Variants in BCAS3 observed in about 807,000 individuals in gnomAD.
The protein encoded by BCAS3 is BCAS4/BCAS3 fusion.
BCAS3 carries 53 observed loss-of-function variants against 116.1 expected under a neutral mutation model. That is an observed-to-expected ratio of 0.46 (90% CI 0.37 to 0.57). The LOEUF (loss-of-function observed/expected upper bound fraction) is 0.57, where lower values mean the gene tolerates loss of function less well. Among genes scored for constraint, BCAS3 ranks in the 20% least tolerant of loss-of-function variants. The pLI is 0.00. For synonymous variants in BCAS3, 391 were observed against 408.2 expected (o/e 0.96, Z 0.51); for missense variants, 917 against 1,165.4 (o/e 0.79, Z 3.10).
At chr17:60,783,856 T>G (rs1397110166) in intron 6 of BCAS3, among the ~76,000 whole-genome samples, 2 of 152,202 alleles carry the variant, frequency 1.3e-5, no homozygotes, top group Non-Finnish European at 1.5e-5. Flanking sequence ...TTTGAGACTC[T>G]TTTTGTTTGT....
At chr17:60,770,834 G>GTTTTTTTTTTTTTTTTTTTTTTTT (rs60854011) in intron 6 of BCAS3, among the ~76,000 whole-genome samples, 1 of 76,728 alleles carries the variant, frequency 1.3e-5, no homozygotes, top group Non-Finnish European at 3.3e-5. Flanking sequence ...ACTGAAATTT[G>GTTTTTTTTTTTTTTTTTTTTTTTT]TTTTTTTTTT....
chr17:60,859,465 A>G (rs1262375735), intron 7 of BCAS3, among the ~76,000 whole-genome samples: 1 of 152,088 alleles, frequency 6.6e-6, no homozygotes. Context: ...CTGTTCTTGC[A>G]TTAATTCGCT....
At position 60,995,368 on chromosome 17, in the gene BCAS3, G is replaced by C. The variant is rs1036399881; in HGVS notation, c.1486+5133G>C. 1.3e-5 allele frequency among the ~76,000 whole-genome samples: 2 copies of C among 152,128 alleles called. No individual in the cohort carries two copies. The highest frequency in any genetic ancestry group is 3.9e-4 in the East Asian group (2 of 5,172). ...AGGTTTCACTCTGTTGGCCAGGCTG[G>C]TCTTGAACTCCTGACCTCACCGTGA... On this transcript the variant is annotated intron_variant, in intron 15 of 23. Transcript: ENST00000407086. The surrounding 1 kb of genome is among the most constrained non-coding windows in gnomAD (Gnocchi z 4.7).
At chr17:61,108,604 GT>G (rs56299790) in intron 22 of BCAS3, among the ~76,000 whole-genome samples, 14 of 140,134 alleles carry the variant, frequency 1.0e-4, no homozygotes, top group Admixed American at 2.8e-4. Context: ...GTCTATAGTG[GT>G]TTTTTTTTTT....
rs770027559 is a variant in BCAS3, at chr17:61,074,982, G to C, written c.2092G>C (p.Asp698His). ...TGGGTCTTACGACAGTTTAGCTTCT[G>C]ACCATAGTGGACAGGAAGATGAAGA... is the stretch of plus-strand genomic sequence containing the variant. ...RHGSYDSLAS[D>H]HSGQEDEEWL... The change falls in exon 20 of 24, where the codon GAC becomes CAC. Residue 698 changes from aspartate to histidine, a missense_variant. Asp to His is a moderately conservative substitution (Grantham distance 81, BLOSUM62 -1). This residue lies in a region of BCAS3 where 807 missense variants were observed against 1,026.0 expected (regional missense o/e 0.79). Coordinates refer to ENST00000407086, the MANE Select transcript of BCAS3 (RefSeq NM_017679.5). 1 of 1,613,376 alleles carries C rather than the reference G, an allele frequency of 6.2e-7. No homozygotes were observed.
chr17:61,199,288 A>T lies in BCAS3; in HGVS notation c.2425+114724A>T, dbSNP rs2144271048. 6.6e-6 allele frequency among the ~76,000 whole-genome samples: 1 copy of T among 152,318 alleles called. No individual in the cohort carries two copies. Among genetic ancestry groups the T allele is most frequent in the East Asian group, 1.9e-4 (1 of 5,178 alleles). ...TGTTGTGTAGAATGTATATGCTGCC[A>T]GCCAGCCTTACTCTTTCCTCTCTAC... On this transcript the variant is annotated intron_variant, in intron 22 of 23. Transcript: ENST00000407086. The surrounding 1 kb of genome is among the most constrained non-coding windows in gnomAD (Gnocchi z 4.6).
In BCAS3 at chr17:61,041,425, T is replaced by C. The variant is rs1295960965; in HGVS notation, c.2029+533T>C. On this transcript the variant is annotated intron_variant, in intron 19 of 23. Transcript: ENST00000407086. The surrounding 1 kb of genome is among the most constrained non-coding windows in gnomAD (Gnocchi z 4.7). The stretch of plus-strand genomic sequence containing the variant: ...ATTTGTAGAGACTGAACCAAGTTCA[T>C]TGACCTAGATAACAGCTTTTTATAT... Among the ~76,000 whole-genome samples the C allele has an allele frequency of 2.0e-5, 3 of 152,154 alleles. No homozygotes were observed. Among genetic ancestry groups the C allele is most frequent in the Admixed American group, 1.3e-4 (2 of 15,276 alleles).
At chr17:60,806,987 T>C (rs1050566039) in intron 6 of BCAS3, among the ~76,000 whole-genome samples, 2 of 152,172 alleles carry the variant, frequency 1.3e-5, no homozygotes, top group Non-Finnish European at 2.9e-5. Context: ...TGGATATTCT[T>C]GTATTATTAT....
intron 20 of BCAS3, among the ~76,000 whole-genome samples, chr17:61,076,441 G>A (rs2071996929): frequency 6.6e-6 from 1 of 152,186 alleles, no homozygotes; most frequent in Admixed American, 6.5e-5. Flanking sequence ...GAAGTTCCTT[G>A]AAGGAAGTTG....
At chr17:60,822,526 C>T (rs1232751834) in intron 7 of BCAS3, among the ~76,000 whole-genome samples, 2 of 152,124 alleles carry the variant, frequency 1.3e-5, no homozygotes, top group Non-Finnish European at 2.9e-5. Flanking sequence ...TTTTTTCTGG[C>T]ATAACAGTTT....
chr17:61,189,651 G>A lies in BCAS3; in HGVS notation c.2425+105087G>A, dbSNP rs1374764096. Among the ~76,000 whole-genome samples the A allele has an allele frequency of 5.3e-5, 8 of 152,196 alleles. No homozygotes were observed. Among genetic ancestry groups the A allele is most frequent in the Non-Finnish European group, 1.5e-5 (1 of 68,024 alleles). ...GAGAGGAATAGAAAGTTGAAAAATAGCTACAAGTAAAAATTGTCAGGCATG... is the reference window on the plus strand; with the variant it reads ...GAGAGGAATAGAAAGTTGAAAAATAACTACAAGTAAAAATTGTCAGGCATG... On this transcript the variant is annotated intron_variant, in intron 22 of 23. Transcript: ENST00000407086. The surrounding 1 kb of genome is among the most constrained non-coding windows in gnomAD (Gnocchi z 4.5).
chr17:60,682,962 AGATGGGGTC>A (rs2033410557), intron 2 of BCAS3, among the ~76,000 whole-genome samples: 1 of 151,754 alleles, frequency 6.6e-6, no homozygotes, highest in South Asian at 2.1e-4. Context: ...TGTTTTTTAG[AGATGGGGTC>A]TTGCTATGTT....
chr17:61,269,251 A>T (rs2050027849), intron 22 of BCAS3, among the ~76,000 whole-genome samples: 1 of 151,508 alleles, frequency 6.6e-6, no homozygotes, highest in South Asian at 2.1e-4. Flanking sequence ...AGTAGCTGGG[A>T]TTACAGGCAT....
chr17:60,994,329 C>T lies in BCAS3; in HGVS notation c.1486+4094C>T, dbSNP rs1425372785. Among the ~76,000 whole-genome samples, 9 of 151,690 alleles carry T rather than the reference C, an allele frequency of 5.9e-5. No individual in the cohort carries two copies. ...TATTTTTAATATATTGATAACTGTACTTCAGTATAGTTCATTTTCTTTGTA... is the reference window on the plus strand; with the variant it reads ...TATTTTTAATATATTGATAACTGTATTTCAGTATAGTTCATTTTCTTTGTA... On this transcript the variant is annotated intron_variant, in intron 15 of 23. Transcript: ENST00000407086. This position sits in a 1 kb window ranked among gnomAD's most constrained non-coding sequence, Gnocchi z 4.4.
intron 6 of BCAS3, among the ~76,000 whole-genome samples, chr17:60,791,502 G>A (rs1323697304): frequency 6.6e-6 from 1 of 152,022 alleles, no homozygotes; most frequent in Non-Finnish European, 1.5e-5. Flanking sequence ...AAATATTAAA[G>A]AATTAGCTGG....
In BCAS3 at chr17:61,346,055, T is replaced by C. The variant is rs141481088; in HGVS notation, c.2426-22272T>C. Among the ~76,000 whole-genome samples, 302 of 152,280 alleles carry C rather than the reference T, an allele frequency of 2.0e-3. No homozygotes were observed. The highest frequency in any genetic ancestry group is 3.6e-3 in the Non-Finnish European group (242 of 68,018). ...AAAGGTGTTGGCTTGGTCATGCACC[T>C]GACATCATACTTTTAGTGCTTGGCA... On this transcript the variant is annotated intron_variant, in intron 22 of 23. Transcript: ENST00000407086. The surrounding 1 kb of genome is among the most constrained non-coding windows in gnomAD (Gnocchi z 5.4).
At chr17:61,005,130 C>G (rs1440170171) in intron 15 of BCAS3, among the ~76,000 whole-genome samples, 1 of 152,080 alleles carries the variant, frequency 6.6e-6, no homozygotes, top group Non-Finnish European at 1.5e-5. Context: ...GTCGTGGTAT[C>G]ACTCCTCTTT....
rs1347255450 is a variant in BCAS3 at position 61,390,019 on chromosome 17, G to A, written c.2594-1958G>A. On this transcript the variant is annotated intron_variant, in intron 23 of 23. Transcript: ENST00000407086. The surrounding 1 kb of genome is among the most constrained non-coding windows in gnomAD (Gnocchi z 6.8). ...TGGCCCTGCCTGCTCCTTCCTCGGGGGCTTTCTTCCTTAGGCCTGGCGGCC... is the reference window on the plus strand; with the variant it reads ...TGGCCCTGCCTGCTCCTTCCTCGGGAGCTTTCTTCCTTAGGCCTGGCGGCC... 1 of 152,336 alleles carries A rather than the reference G, an allele frequency of 6.6e-6. No individual in the cohort carries two copies. Among genetic ancestry groups the A allele is most frequent in the African/African-American group, 2.4e-5 (1 of 41,454 alleles). 9.4% of individuals were successfully genotyped at this position (152,336 alleles called of 1,614,324 possible). A position where few individuals can be genotyped will look rare whatever the true frequency, so the allele number is the denominator to read the frequency against.
intron 17 of BCAS3, among the ~76,000 whole-genome samples, chr17:61,036,732 G>A (rs564409631): frequency 1.3e-5 from 2 of 152,228 alleles, no homozygotes; most frequent in East Asian, 3.9e-4. Context: ...AACCTGTTTT[G>A]CTAGTGGGTA....
Sources: allele counts gnomAD v4.1 joint callset (sites outside exome capture counted in the v4.1 genomes callset), GRCh38; gene constraint gnomAD v4.1.1; regional missense constraint gnomAD v4.1.1; non-coding constraint Gnocchi (gnomAD v3.1); transcripts MANE v1.5; gene names NCBI Gene and HGNC (gene_info 2026-07-23, HGNC 2026-07-21).